The following CHST9 variants were observed in gnomAD, a reference collection of about 807,000 sequenced individuals.
CHST9 encodes GalNAc-4-sulfotransferase 2.
In CHST9, 41 loss-of-function variants were observed where a neutral mutation model predicts 44.4. The observed-to-expected ratio is 0.92, with a 90% CI of 0.72 to 1.20. The LOEUF (loss-of-function observed/expected upper bound fraction) is 1.20. Among genes scored for constraint, CHST9 ranks in the 50% most tolerant of loss-of-function variants. CHST9 has a pLI of 0.00. For missense variants in CHST9, 504 were observed against 516.5 expected, an observed-to-expected ratio of 0.98 and a Z score of 0.23; for synonymous variants, 171 against 178.4, an observed-to-expected ratio of 0.96 and a Z score of 0.33.
intron 4 of CHST9, among the ~76,000 whole-genome samples, chr18:26,978,126 G>A (rs2056646453): frequency 6.9e-6 from 1 of 144,668 alleles, no homozygotes; most frequent in Non-Finnish European, 1.5e-5. Context: ...TTTGTTCAAA[G>A]TGGAAAATAG....
At chr18:27,127,934 G>A (rs1024717365) in intron 2 of CHST9, among the ~76,000 whole-genome samples, 1 of 152,174 alleles carries the variant, frequency 6.6e-6, no homozygotes, top group Admixed American at 6.5e-5. Context: ...GACGACAGAG[G>A]AGAGGTGATC....
intron 2 of CHST9, among the ~76,000 whole-genome samples, chr18:27,055,959 T>TGC (rs569697061): frequency 0.11 from 16,915 of 151,970 alleles, 1,148 homozygotes; most frequent in Middle Eastern, 0.24. Context: ...TGTGTGTGTG[T>TGC]GTGTATACAC....
chr18:27,146,266 A>G (rs1452112777), intron 1 of CHST9, among the ~76,000 whole-genome samples: 1 of 152,222 alleles, frequency 6.6e-6, no homozygotes, highest in African/African-American at 2.4e-5. Flanking sequence ...TAGAAAACCC[A>G]TAATTGTTAT....
At chr18:27,087,342 A>T (rs866392786) in intron 2 of CHST9, among the ~76,000 whole-genome samples, 1 of 152,210 alleles carries the variant, frequency 6.6e-6, no homozygotes, top group African/African-American at 2.4e-5. Flanking sequence ...TGTGACTTTC[A>T]GTGCTCATCT....
At chr18:27,044,423 A>T (rs1057244990) in intron 3 of CHST9, among the ~76,000 whole-genome samples, 55 of 152,076 alleles carry the variant, frequency 3.6e-4, no homozygotes, top group African/African-American at 1.3e-3. Flanking sequence ...TAGCTTTTAT[A>T]AGCTACGAAC....
chr18:26,956,842 A>G (rs1290215876), intron 4 of CHST9, among the ~76,000 whole-genome samples: 1 of 152,208 alleles, frequency 6.6e-6, no homozygotes, highest in Non-Finnish European at 1.5e-5. Flanking sequence ...TTGGATCAAC[A>G]TTATTTTGCT....
intron 4 of CHST9, among the ~76,000 whole-genome samples, chr18:26,950,030 T>C (rs2056222546): frequency 6.6e-6 from 1 of 152,182 alleles, no homozygotes; most frequent in Non-Finnish European, 1.5e-5. Context: ...ACTCTGACCT[T>C]TAGAATTGTA....
chr18:27,029,247 G>A (rs1275740005), intron 3 of CHST9, among the ~76,000 whole-genome samples: 2 of 152,138 alleles, frequency 1.3e-5, no homozygotes, highest in African/African-American at 4.8e-5. Flanking sequence ...CTCTGATTCT[G>A]TTTTCCTTGA....
rs561887280 is a variant in CHST9, at chr18:27,081,541, A to G, written c.122-33038T>C. On this transcript the variant is annotated intron_variant, in intron 2 of 5. Coordinates refer to ENST00000618847, the MANE Select transcript of CHST9 (RefSeq NM_031422.6). ...GAGTATGGAACTTGTCTCCCATCCC[A>G]ACCCTCCTAGATGATATATTTCTTG... Among the ~76,000 whole-genome samples, 39 of 152,214 alleles carry G rather than the reference A, an allele frequency of 2.6e-4. No individual in the cohort carries two copies. The South Asian group carries it at 7.7e-3, about 30-fold the overall frequency.
chr18:26,983,418 T>G (rs2056716665), intron 4 of CHST9, among the ~76,000 whole-genome samples: 1 of 152,068 alleles, frequency 6.6e-6, no homozygotes, highest in Non-Finnish European at 1.5e-5. Flanking sequence ...ATCTGGTTGT[T>G]TAAGTGTGTG....
intron 1 of CHST9, among the ~76,000 whole-genome samples, chr18:27,164,230 A>G (rs2058771959): frequency 6.6e-6 from 1 of 152,096 alleles, no homozygotes; most frequent in African/African-American, 2.4e-5. Context: ...TAAAATAACT[A>G]TATGTCACAG....
chr18:27,158,631 G>T (rs1319755530), intron 1 of CHST9, among the ~76,000 whole-genome samples: 2 of 152,044 alleles, frequency 1.3e-5, no homozygotes, highest in Non-Finnish European at 2.9e-5. Context: ...GTAATGGGAT[G>T]GCTGGGTCAA....
At chr18:27,184,545 G>T (rs1245422609) in intron 1 of CHST9, among the ~76,000 whole-genome samples, 1 of 151,412 alleles carries the variant, frequency 6.6e-6, no homozygotes, top group Non-Finnish European at 1.5e-5. Context: ...GGCCACGATC[G>T]CACCTGGCCT....
intron 4 of CHST9, among the ~76,000 whole-genome samples, chr18:26,950,754 A>G (rs1457125371): frequency 6.6e-6 from 1 of 152,176 alleles, no homozygotes; most frequent in East Asian, 1.9e-4. Context: ...GAGAAAAGAC[A>G]ACATATGGGG....
chr18:27,068,665 T>C (rs1043131609), intron 2 of CHST9, among the ~76,000 whole-genome samples: 3 of 152,220 alleles, frequency 2.0e-5, no homozygotes, highest in Non-Finnish European at 2.9e-5. Flanking sequence ...TTGTACCCTA[T>C]ATTCATTCAC....
intron 2 of CHST9, among the ~76,000 whole-genome samples, chr18:27,115,669 C>T (rs779628154): frequency 2.0e-5 from 3 of 152,010 alleles, no homozygotes; most frequent in East Asian, 1.9e-4. Context: ...TGCATGCCAC[C>T]GACTTGGCTT....
chr18:26,916,018 T>C lies in CHST9; in HGVS notation c.*241A>G, dbSNP rs926407341. ...GTTATTGCTTCAACAATATAATTCA[T>C]AATGCAAAAGCAGCTCTTTTCCAAA... On this transcript the variant is annotated 3_prime_UTR_variant, in exon 6 of 6. Coordinates refer to ENST00000618847, the MANE Select transcript of CHST9 (RefSeq NM_031422.6). The C allele has an allele frequency of 2.2e-5, 8 of 360,222 alleles. No homozygotes were observed. Among genetic ancestry groups the C allele is most frequent in the African/African-American group, 1.7e-4 (8 of 47,324 alleles). The allele number at this position is 360,222 out of a possible 1,614,324, so 22.3% of individuals were successfully genotyped here. A position where few individuals can be genotyped will look rare whatever the true frequency, so the allele number is the denominator to read the frequency against.
At chr18:27,053,346 A>C (rs1278985921) in intron 2 of CHST9, among the ~76,000 whole-genome samples, 2 of 67,856 alleles carry the variant, frequency 2.9e-5, no homozygotes, top group African/African-American at 1.1e-4. Flanking sequence ...AAAAAAAAAA[A>C]AGCAATAATT....
intron 2 of CHST9, among the ~76,000 whole-genome samples, chr18:27,059,502 C>G (rs543395506): frequency 6.6e-6 from 1 of 152,102 alleles, no homozygotes; most frequent in Non-Finnish European, 1.5e-5. Context: ...AAGGCAACAA[C>G]GGGAAGCATT....
Sources: allele counts gnomAD v4.1 joint callset (sites outside exome capture counted in the v4.1 genomes callset), GRCh38; gene constraint gnomAD v4.1.1; transcripts MANE v1.5; gene names NCBI Gene and HGNC (gene_info 2026-07-23, HGNC 2026-07-21).